Variants in CENPE observed in about 807,000 individuals in gnomAD.
CENPE encodes the protein centromere protein E.
CENPE carries 145 observed loss-of-function variants against 336.1 expected under a neutral mutation model. The observed-to-expected ratio is 0.43, with a 90% confidence interval of 0.38 to 0.50. CENPE has a LOEUF of 0.50. CENPE is among the 20% of genes least tolerant of loss of function. CENPE has a pLI of 0.00. For synonymous variants in CENPE, 1,013 were observed against 984.8 expected (o/e 1.03, Z -0.54); for missense variants, 2,719 against 3,023.3 (o/e 0.90, Z 2.36).
At chr4:103,181,572 G>A in intron 11 of CENPE, 116 bp from the exon 12 acceptor site, 1 of 829,838 alleles carries the variant, frequency 1.2e-6, no homozygotes, top group Non-Finnish European at 1.8e-6. Context: ...CTTTCTAGTT[G>A]GCTTAATACT....
At chr4:103,122,417 T>A (rs1251141553) in intron 43 of CENPE, among the ~76,000 whole-genome samples, 1 of 152,206 alleles carries the variant, frequency 6.6e-6, no homozygotes, top group African/African-American at 2.4e-5. Flanking sequence ...AACAATCTTG[T>A]TATATTTTTT....
intron 21 of CENPE, 51 bp downstream of exon 21, chr4:103,160,574 G>A (rs572293185): frequency 1.9e-5 from 28 of 1,475,606 alleles, no homozygotes; most frequent in South Asian, 6.6e-5. Flanking sequence ...CACTATTATC[G>A]CAAAGGTTTT....
rs1206287837 is a variant in CENPE, at chr4:103,120,143, G to C, written c.7329+5C>G. The stretch of plus-strand genomic sequence containing the variant: ...AAACAACTTTTATTTTTATGTTTAA[G>C]TTACCTGAAGTACTTGAATTGTCTC... On this transcript the variant is annotated splice_donor_5th_base_variant and intron_variant, in intron 44 of 48. Coordinates refer to ENST00000265148, the MANE Select transcript of CENPE (RefSeq NM_001813.3). The C allele has an allele frequency of 3.8e-6, 6 of 1,572,362 alleles. 1 individual carries two copies. The East Asian group carries it at 1.4e-4, about 35-fold the overall frequency.
At position 103,195,104 on chromosome 4, in the gene CENPE, T is replaced by C; in HGVS notation, c.477+10A>G. On this transcript the variant is annotated intron_variant, in intron 5 of 48. Transcript: ENST00000265148. ...GTCAATTTTAAAGCTCCCTTAAGTC[T>C]GCTACTCACATTGACATCTTCTCGA... is the stretch of plus-strand genomic sequence containing the variant. The C allele has an allele frequency of 8.3e-6, 13 of 1,572,634 alleles. No individual in the cohort carries two copies. Among genetic ancestry groups the C allele is most frequent in the Non-Finnish European group, 1.0e-5 (12 of 1,168,796 alleles).
In CENPE at chr4:103,143,386, C is replaced by T. The variant is rs1452234298; in HGVS notation, c.5166G>A (p.Glu1722=). The change falls in exon 34 of 49, where the codon GAG becomes GAA. Residue 1722 remains glutamate (E), a synonymous_variant. Coordinates refer to ENST00000265148, the MANE Select transcript of CENPE (RefSeq NM_001813.3). ...TCAGATGCATGTGAACAATTTTTAG[C>T]TCCTCTTGTTTTTCTAGGTCCTTTA... ...TITRDLEKQE[E]LKIVHMHLKE... is the part of the protein sequence containing the mutation. The T allele has an allele frequency of 6.2e-7, 1 of 1,601,944 alleles. No individual in the cohort carries two copies. Among genetic ancestry groups the T allele is most frequent in the Admixed American group, 1.7e-5 (1 of 59,498 alleles).
chr4:103,133,712 T>C lies in CENPE; in HGVS notation c.6703A>G (p.Met2235Val). The C allele has an allele frequency of 1.3e-6, 2 of 1,599,860 alleles. No individual in the cohort carries two copies. The highest frequency in any genetic ancestry group is 1.7e-6 in the Non-Finnish European group (2 of 1,170,766). Residue 2235 changes from methionine (M) to valine (V), a missense_variant, in exon 41 of 49, where the codon ATG becomes GTG. Transcript: ENST00000265148. The part of the protein sequence containing the change: ...ELRDLKLNQN[M>V]DLHIEEILKD... ...AATTATACCTCAATATGTAGATCCA[T>C]ATTCTGGTTCAATTTGAGATCCCTT...
chr4:103,120,159 G>T lies in CENPE; in HGVS notation c.7318C>A (p.Gln2440Lys). ...TATGTTTAAGTTACCTGAAGTACTT[G>T]AATTGTCTCTTTTGTTTTTTCAAGG... ...KCLEKTKETI[Q>K]VLQDKVALGA... Residue 2440 changes from glutamine to lysine, a missense_variant, in exon 44 of 49, where the codon CAA becomes AAA. By Grantham distance (53) the Gln-to-Lys change is moderately conservative. Around this residue, in one of 5 missense-constraint regions of CENPE, gnomAD observed 2,437 missense variants for 2,513.3 expected, o/e 0.97. Coordinates refer to ENST00000265148, the MANE Select transcript of CENPE (RefSeq NM_001813.3). 6.3e-7 allele frequency: 1 copy of T among 1,598,326 alleles called. No homozygotes were observed. The highest frequency in any genetic ancestry group is 1.1e-5 in the South Asian group (1 of 87,484).
Position 103,162,810 on chromosome 4 carries a change from G to A in CENPE, c.1842+327C>T, listed in dbSNP as rs539454237. 3.3e-5 allele frequency among the ~76,000 whole-genome samples: 5 copies of A among 151,984 alleles called. No homozygotes were observed. In the South Asian group the frequency reaches 8.3e-4, roughly 25 times the overall value. ...CTGGGCTCAAGTGATCTCCCACTTC[G>A]GCCTCCCAAAGTACTGGCATCACAG... On this transcript the variant is annotated intron_variant, in intron 18 of 48. Transcript: ENST00000265148.
At chr4:103,127,706 A>T (rs1030625489) in intron 42 of CENPE, among the ~76,000 whole-genome samples, 3 of 152,162 alleles carry the variant, frequency 2.0e-5, no homozygotes, top group Non-Finnish European at 4.4e-5. Flanking sequence ...GTGTTATTTG[A>T]AATTGGGCTC....
chr4:103,160,783 G>T lies in CENPE; in HGVS notation c.2132-4C>A. ...AATTCCAAATTACAGAGCAAATCTA[G>T]AAAGTTTTGGTAAATTGTATAAAGA... On this transcript the variant is annotated splice_polypyrimidine_tract_variant and splice_region_variant and intron_variant, in intron 20 of 48. Coordinates refer to ENST00000265148, the MANE Select transcript of CENPE (RefSeq NM_001813.3). The T allele has an allele frequency of 6.3e-7, 1 of 1,578,414 alleles. No individual in the cohort carries two copies. Among genetic ancestry groups the T allele is most frequent in the East Asian group, 2.3e-5 (1 of 44,164 alleles).
intron 48 of CENPE, 92 bp from the exon 49 acceptor site, chr4:103,106,408 G>C (rs1233147097): frequency 3.5e-6 from 3 of 863,420 alleles, no homozygotes; most frequent in Non-Finnish European, 5.2e-6. Context: ...TAAGACAGGA[G>C]AGATGTGAAG....
rs189522444 is a variant in CENPE, at chr4:103,157,582, G to A, written c.3033+718C>T. On this transcript the variant is annotated intron_variant, in intron 24 of 48. Transcript: ENST00000265148. ...TGGTGGTAGCCAGGGTCTGTGGGAA[G>A]GAAAACTGGGGAGCTGTTGCTCAAT... Among the ~76,000 whole-genome samples, 162 of 152,074 alleles carry A rather than the reference G, an allele frequency of 1.1e-3. 1 individual carries two copies. In the East Asian group the frequency reaches 0.02, roughly 19 times the overall value.
At chr4:103,153,504 G>A (rs1753726259) in intron 24 of CENPE, among the ~76,000 whole-genome samples, 1 of 152,172 alleles carries the variant, frequency 6.6e-6, no homozygotes, top group African/African-American at 2.4e-5. Flanking sequence ...GAATCCAAGT[G>A]ATCTGGCTCC....
rs1236176766 is a variant in CENPE, at chr4:103,163,565, T to C, written c.1648-12A>G. ...TGAATTAGTTGCATCTGTAAGAGCA[T>C]GTGAACAGGTAACAGAGCAAACCAA... On this transcript the variant is annotated splice_polypyrimidine_tract_variant and intron_variant, in intron 16 of 48. Transcript: ENST00000265148. The C allele has an allele frequency of 4.1e-6, 6 of 1,452,568 alleles. No homozygotes were observed. The African/African-American group carries it at 7.6e-5, about 19-fold the overall frequency. The allele number at this position is 1,452,568 out of a possible 1,614,324, so 90.0% of individuals were successfully genotyped here. A position where few individuals can be genotyped will look rare whatever the true frequency, so the allele number is the denominator to read the frequency against.
intron 8 of CENPE, among the ~76,000 whole-genome samples, chr4:103,186,313 A>G (rs1443114580): frequency 6.6e-6 from 1 of 152,186 alleles, no homozygotes; most frequent in Non-Finnish European, 1.5e-5. Flanking sequence ...TTATTCAAGA[A>G]CCAGGCACAA....
At chr4:103,147,685 G>C (rs1010554538) in intron 28 of CENPE, 39 bp from the exon 29 acceptor site, 1 of 1,540,940 alleles carries the variant, frequency 6.5e-7, no homozygotes, top group Non-Finnish European at 8.7e-7. Flanking sequence ...ACTATCAGGA[G>C]ATTATGATCA....
At chr4:103,129,573 T>C (rs1751410044) in intron 42 of CENPE, among the ~76,000 whole-genome samples, 1 of 151,880 alleles carries the variant, frequency 6.6e-6, no homozygotes, top group African/African-American at 2.4e-5. Context: ...CCGTCTCTAC[T>C]AAAAATACAA....
intron 16 of CENPE, among the ~76,000 whole-genome samples, chr4:103,170,174 C>T (rs1019257934): frequency 2.0e-5 from 3 of 152,076 alleles, no homozygotes; most frequent in Non-Finnish European, 4.4e-5. Flanking sequence ...AGGAGAAATA[C>T]CTAATGTTAA....
At chr4:103,106,412 T>C in intron 48 of CENPE, 96 bp from the exon 49 acceptor site, 2 of 837,324 alleles carry the variant, frequency 2.4e-6, no homozygotes, top group Non-Finnish European at 3.6e-6. Flanking sequence ...ACAGGAGAGA[T>C]GTGAAGAATG....
Sources: gnomAD v4.1 joint callset for allele counts (sites outside exome capture counted in the v4.1 genomes callset) on GRCh38, gnomAD v4.1.1 for gene constraint, gnomAD v4.1.1 regional missense constraint, MANE v1.5 for transcripts, NCBI Gene and HGNC (gene_info 2026-07-23, HGNC 2026-07-21) for gene names.